TGFBR3: variants seen among roughly 807,000 people sequenced by gnomAD.
TGFBR3 encodes transforming growth factor beta receptor 3.
Under a neutral mutation model 87.9 loss-of-function variants are expected in TGFBR3, and 46 were observed. The observed-to-expected ratio is 0.52, with a 90% confidence interval of 0.41 to 0.67. TGFBR3 has a LOEUF of 0.67. Ranked by LOEUF, TGFBR3 falls within the 30% of genes least tolerant of loss-of-function variation. The pLI, the probability that TGFBR3 is intolerant of heterozygous loss-of-function variation, is 0.00. For missense variants in TGFBR3, 866 were observed against 1,041.9 expected (o/e 0.83, Z 2.32); for synonymous variants, 381 against 391.6 (o/e 0.97, Z 0.32).
At chr1:91,750,431 A>G (rs1310449619) in intron 4 of TGFBR3, among the ~76,000 whole-genome samples, 2 of 152,184 alleles carry the variant, frequency 1.3e-5, no homozygotes. Context: ...TATTCCTAGG[A>G]AACAGGAATG....
intron 2 of TGFBR3, among the ~76,000 whole-genome samples, chr1:91,856,108 G>C (rs1187664499): frequency 6.6e-6 from 1 of 152,068 alleles, no homozygotes; most frequent in Non-Finnish European, 1.5e-5. Flanking sequence ...TGTCGCCCAG[G>C]CTGGAGTGCA....
chr1:91,777,104 C>T (rs994333864), intron 3 of TGFBR3, among the ~76,000 whole-genome samples: 2 of 152,192 alleles, frequency 1.3e-5, no homozygotes, highest in Admixed American at 1.3e-4. Flanking sequence ...AAAATAGGAA[C>T]ATAGGAAGTG....
chr1:91,705,016 C>T (rs377077098), intron 14 of TGFBR3, among the ~76,000 whole-genome samples: 52 of 152,264 alleles, frequency 3.4e-4, no homozygotes, highest in Admixed American at 1.3e-3. Flanking sequence ...ACCAAATGAC[C>T]AGAGAGAGCT....
intron 2 of TGFBR3, among the ~76,000 whole-genome samples, chr1:91,839,327 A>G (rs2101110272): frequency 6.6e-6 from 1 of 152,254 alleles, no homozygotes; most frequent in South Asian, 2.1e-4. Flanking sequence ...CTTTACTATT[A>G]CACCTAAACT....
intron 5 of TGFBR3, among the ~76,000 whole-genome samples, chr1:91,730,880 T>G (rs890470269): frequency 1.3e-5 from 2 of 152,250 alleles, no homozygotes; most frequent in Non-Finnish European, 2.9e-5. Flanking sequence ...TCGCAAACAT[T>G]ATCTCACTGT....
In TGFBR3 at chr1:91,903,673, G is replaced by A. The variant is rs533159857; in HGVS notation, c.-175+2153C>T. Among the ~76,000 whole-genome samples the A allele has an allele frequency of 2.0e-5, 3 of 152,090 alleles. No individual in the cohort carries two copies. The South Asian group carries it at 6.2e-4, about 32-fold the overall frequency. On this transcript the variant is annotated intron_variant, in intron 1 of 17. Coordinates refer to the TGFBR3 transcript ENST00000370399. ...GATCGTTTGAGCTTAGGAGTTCGAG[G>A]CTGCAGTCAGCCTGTCTAAAAAAAA...
intron 1 of TGFBR3, among the ~76,000 whole-genome samples, chr1:91,885,438 C>A (rs1379926684): frequency 6.6e-6 from 1 of 152,128 alleles, no homozygotes; most frequent in African/African-American, 2.4e-5. Context: ...GAACGCAAAC[C>A]GCGTCCGTGC....
upstream of TGFBR3, among the ~76,000 whole-genome samples, chr1:91,890,176 C>A (rs1016044188): frequency 6.6e-6 from 1 of 152,036 alleles, no homozygotes; most frequent in Non-Finnish European, 1.5e-5. Flanking sequence ...GCATTACTTG[C>A]ATTAAAAATG....
At chr1:91,703,448 G>A (rs373089906) in intron 14 of TGFBR3, among the ~76,000 whole-genome samples, 1 of 152,064 alleles carries the variant, frequency 6.6e-6, no homozygotes, top group African/African-American at 2.4e-5. Context: ...GTGAAAATAC[G>A]GAGAAAATTC....
At chr1:91,836,945 G>A (rs534319283) in intron 2 of TGFBR3, among the ~76,000 whole-genome samples, 5 of 152,100 alleles carry the variant, frequency 3.3e-5, no homozygotes, top group Non-Finnish European at 7.3e-5. Flanking sequence ...AAGAATGCAG[G>A]ATCCTGTTTA....
In TGFBR3 at chr1:91,729,970, T is replaced by A. The variant is rs1464137512; in HGVS notation, c.572A>T (p.Gln191Leu). ...TATGTTGCACTTTGGAGGGAACACT[T>A]GATCTGAAAGAGGCACAGGACAATC... ...RNIYIKVGED[Q>L]VFPPKCNIGK... The change falls in exon 6 of 17, where the codon CAA becomes CTA. Residue 191 changes from glutamine (Q) to leucine (L), a missense_variant. By Grantham distance (113) the Gln-to-Leu change is moderately radical. Coordinates refer to ENST00000212355, the MANE Select transcript of TGFBR3 (RefSeq NM_003243.5). 6.2e-7 allele frequency: 1 copy of A among 1,614,122 alleles called. No individual in the cohort carries two copies. Among genetic ancestry groups the A allele is most frequent in the Non-Finnish European group, 8.5e-7 (1 of 1,180,012 alleles).
rs1557654570 is a variant in TGFBR3 at position 91,683,714 on chromosome 1, T to TGGGCCGGGTTGGGC, written c.*24_*25insGCCCAACCCGGCCC. 1.3e-6 allele frequency: 2 copies of TGGGCCGGGTTGGGC among 1,527,738 alleles called. No individual in the cohort carries two copies. Among genetic ancestry groups the TGGGCCGGGTTGGGC allele is most frequent in the South Asian group, 2.4e-5 (2 of 83,544 alleles). The allele number at this position is 1,527,738 out of a possible 1,614,324, so 94.6% of individuals were successfully genotyped here. A position where few individuals can be genotyped will look rare whatever the true frequency, so the allele number is the denominator to read the frequency against. On this transcript the variant is annotated 3_prime_UTR_variant, in exon 17 of 17. Coordinates refer to ENST00000212355, the MANE Select transcript of TGFBR3 (RefSeq NM_003243.5). Reference sequence around the variant, plus strand: ...CTGAGCTGAGCTGGGCTGGGCTGGGTTGGGCCGGGTTGGGCTGGGTTGGGC... The same window carrying TGGGCCGGGTTGGGC: ...CTGAGCTGAGCTGGGCTGGGCTGGGTGGGCCGGGTTGGGCTGGGCCGGGTTGGGCTGGGTTGGGC...
rs755099836 is a variant in TGFBR3, at chr1:91,861,475, A to G, written c.57T>C (p.Thr19=). The stretch of plus-strand genomic sequence containing the variant: ...AATTTATATTATGCAACTTACCTGC[A>G]GTGGCTAAACAGGAGCTCATCAGGG... The part of the protein sequence containing the change: ...IFALMSSCLA[T]AGPEPGALCE... Residue 19 remains threonine (T), a synonymous_variant, in exon 2 of 17, where the codon ACT becomes ACC. Transcript: ENST00000212355. The G allele has an allele frequency of 2.5e-6, 4 of 1,610,934 alleles. No homozygotes were observed. In the East Asian group the frequency reaches 8.9e-5, roughly 36 times the overall value.
intron 2 of TGFBR3, among the ~76,000 whole-genome samples, chr1:91,897,393 A>C (rs945520983): frequency 1.3e-5 from 2 of 152,216 alleles, no homozygotes; most frequent in Admixed American, 6.6e-5. Flanking sequence ...ATCTTTGGGA[A>C]ATCTCATGTA....
chr1:91,792,743 T>C (rs1675241715), intron 3 of TGFBR3, among the ~76,000 whole-genome samples: 1 of 152,194 alleles, frequency 6.6e-6, no homozygotes, highest in Admixed American at 6.5e-5. Flanking sequence ...AGGGGGCGGC[T>C]GCATTTTACT....
intron 2 of TGFBR3, among the ~76,000 whole-genome samples, chr1:91,838,475 T>C (rs1236145982): frequency 6.6e-6 from 1 of 150,600 alleles, no homozygotes; most frequent in Admixed American, 6.6e-5. Flanking sequence ...TTTTTTTTTT[T>C]TGAGACGGAG....
chr1:91,750,903 A>G (rs1158159662), intron 4 of TGFBR3, among the ~76,000 whole-genome samples: 1 of 152,168 alleles, frequency 6.6e-6, no homozygotes, highest in Non-Finnish European at 1.5e-5. Context: ...TCCAATTTCT[A>G]CTATTCTCAT....
chr1:91,752,037 T>A (rs1032189866), intron 4 of TGFBR3, among the ~76,000 whole-genome samples: 1 of 152,122 alleles, frequency 6.6e-6, no homozygotes, highest in Non-Finnish European at 1.5e-5. Flanking sequence ...GTTAAGTGAT[T>A]TTTTTTCCCG....
chr1:91,866,970 C>T (rs1488692), intron 1 of TGFBR3: 16,042 of 152,252 alleles, frequency 0.11, 1,243 homozygotes, highest in East Asian at 0.41. Context: ...GCCAGACTGC[C>T]TGGACAATCA....
Sources: allele counts gnomAD v4.1 joint callset (sites outside exome capture counted in the v4.1 genomes callset), GRCh38; gene constraint gnomAD v4.1.1; transcripts MANE v1.5; gene names NCBI Gene and HGNC (gene_info 2026-07-23, HGNC 2026-07-21).